Variants in CATSPERE observed in about 807,000 individuals in gnomAD.
CATSPERE encodes catsper channel auxiliary subunit epsilon, also known as cation channel sperm-associated auxiliary subunit epsilon.
CATSPERE carries 93 observed loss-of-function variants against 114.1 expected under a neutral mutation model. That is an observed-to-expected ratio of 0.81 (90% CI 0.69 to 0.97). The LOEUF (loss-of-function observed/expected upper bound fraction) is 0.97. Among genes scored for constraint, CATSPERE ranks in the 50% least tolerant of loss-of-function variants. The pLI is 0.00. For synonymous variants in CATSPERE, 341 were observed against 384.1 expected (o/e 0.89, Z 1.31); for missense variants, 1,058 against 1,131.6 (o/e 0.93, Z 0.93).
chr1:244,525,781 CA>C (rs1350628877), intron 8 of CATSPERE, among the ~76,000 whole-genome samples: 2 of 152,174 alleles, frequency 1.3e-5, no homozygotes, highest in Admixed American at 6.5e-5. Context: ...CTTTAATTTC[CA>C]CTCATGGAGA....
intron 15 of CATSPERE, among the ~76,000 whole-genome samples, chr1:244,592,760 GCTGCAC>G (rs369263828): frequency 6.6e-6 from 1 of 152,166 alleles, no homozygotes; most frequent in African/African-American, 2.4e-5. Flanking sequence ...CTAGCTGGCA[GCTGCAC>G]CTGAAAGGCA....
intron 2 of CATSPERE, among the ~76,000 whole-genome samples, chr1:244,466,048 T>C (rs3006008): frequency 0.62 from 93,880 of 152,006 alleles, 29,168 homozygotes; most frequent in East Asian, 0.73. Flanking sequence ...GTGATACTTA[T>C]AGTGAATTGT....
At chr1:244,513,759 G>A (rs933857083) in intron 7 of CATSPERE, among the ~76,000 whole-genome samples, 5 of 152,090 alleles carry the variant, frequency 3.3e-5, no homozygotes, top group Admixed American at 2.6e-4. Context: ...CACTGGCAGT[G>A]GTGGGCAGGG....
At chr1:244,542,337 A>C (rs568422367) in intron 8 of CATSPERE, among the ~76,000 whole-genome samples, 1 of 152,234 alleles carries the variant, frequency 6.6e-6, no homozygotes, top group South Asian at 2.1e-4. Flanking sequence ...TTCTGTTTTT[A>C]AATTTTAGAT....
Position 244,464,703 on chromosome 1 carries a change from A to T in CATSPERE, c.114+747A>T, listed in dbSNP as rs1667324062. ...TTTTTTTTTTACCAATCTCATTATT[A>T]TCCAGTGATAGCTATTGCTGTTGTT... On this transcript the variant is annotated intron_variant, in intron 2 of 21. Transcript: ENST00000366534. 1.3e-5 allele frequency among the ~76,000 whole-genome samples: 2 copies of T among 152,014 alleles called. 1 individual carries two copies. The highest frequency in any genetic ancestry group is 4.1e-4 in the South Asian group (2 of 4,824).
chr1:244,490,682 C>T (rs1359271412), intron 6 of CATSPERE, among the ~76,000 whole-genome samples: 1 of 151,988 alleles, frequency 6.6e-6, no homozygotes, highest in Non-Finnish European at 1.5e-5. Flanking sequence ...ATCTTCCCCC[C>T]TTTTACTTCT....
Position 244,552,374 on chromosome 1 carries a change from A to G in CATSPERE, c.589A>G (p.Arg197Gly), listed in dbSNP as rs372627040. Residue 197 changes from arginine (R) to glycine (G), a missense_variant, in exon 9 of 22, where the codon AGA becomes GGA. Arg to Gly is a moderately radical substitution (Grantham distance 125). Around this residue, in one of 2 missense-constraint regions of CATSPERE, gnomAD observed 787 missense variants for 905.6 expected, o/e 0.87. Transcript: ENST00000366534. ...MTKDDALKEI[R>G]GNQVTFQDCF... ...AAAAGATGATGCACTAAAGGAGATT[A>G]GAGGAAACCAAGTTACTTTTCAGGA... is the stretch of plus-strand genomic sequence containing the variant. The G allele has an allele frequency of 1.4e-5, 23 of 1,613,984 alleles. No individual in the cohort carries two copies. The highest frequency in any genetic ancestry group is 2.7e-5 in the African/African-American group (2 of 74,948).
chr1:244,552,912 A>AGC (rs1660881309), intron 9 of CATSPERE, 98 bp downstream of exon 9: 3 of 603,754 alleles, frequency 5.0e-6, no homozygotes, highest in Non-Finnish European at 6.8e-6. Flanking sequence ...CTTACTATGC[A>AGC]GCTCTTTGCC....
At position 244,640,321 on chromosome 1, in the gene CATSPERE, C is replaced by T; in HGVS notation, c.*240C>T. ...ATTTTAAAGATACTCTATGTACTCT[C>T]ACATGGCATGAAAAAATAAACTAAA... is the stretch of plus-strand genomic sequence containing the variant. On this transcript the variant is annotated 3_prime_UTR_variant, in exon 22 of 22. Coordinates refer to ENST00000366534, the MANE Select transcript of CATSPERE (RefSeq NM_001130957.2). 1 of 278,400 alleles carries T rather than the reference C, an allele frequency of 3.6e-6. No homozygotes were observed. The highest frequency in any genetic ancestry group is 6.7e-6 in the Non-Finnish European group (1 of 150,120). The allele number at this position is 278,400 out of a possible 1,614,324, so 17.2% of individuals were successfully genotyped here.
At chr1:244,538,987 G>A (rs1680792535) in intron 8 of CATSPERE, among the ~76,000 whole-genome samples, 1 of 152,028 alleles carries the variant, frequency 6.6e-6, no homozygotes, top group African/African-American at 2.4e-5. Context: ...ACGATCCATA[G>A]GTCAGCTGCA....
At chr1:244,490,333 T>A (rs1671826363) in intron 5 of CATSPERE, 114 bp from the exon 6 acceptor site, 1 of 640,482 alleles carries the variant, frequency 1.6e-6, no homozygotes, top group Non-Finnish European at 2.7e-6. Context: ...TATACCGTAA[T>A]GAAATATAAA....
intron 8 of CATSPERE, among the ~76,000 whole-genome samples, chr1:244,522,114 A>C (rs1324961135): frequency 6.6e-6 from 1 of 152,176 alleles, no homozygotes; most frequent in African/African-American, 2.4e-5. Flanking sequence ...ATGTAAAAGA[A>C]CAGAAATTAT....
At chr1:244,597,277 G>A (rs1439003286) in intron 17 of CATSPERE, among the ~76,000 whole-genome samples, 1 of 151,932 alleles carries the variant, frequency 6.6e-6, no homozygotes, top group Non-Finnish European at 1.5e-5. Context: ...CTCCCAAATC[G>A]CCCTCAGCCT....
intron 11 of CATSPERE, among the ~76,000 whole-genome samples, chr1:244,577,369 C>T (rs2148594543): frequency 6.6e-6 from 1 of 152,252 alleles, no homozygotes; most frequent in Non-Finnish European, 1.5e-5. Flanking sequence ...TACATGCAGT[C>T]TCATGGATAG....
At chr1:244,574,384 AAGG>A (rs1664927500) in intron 11 of CATSPERE, among the ~76,000 whole-genome samples, 1 of 152,200 alleles carries the variant, frequency 6.6e-6, no homozygotes. Flanking sequence ...AGCACAAAGT[AAGG>A]AGGCTTGAAG....
chr1:244,618,372 A>G (rs1341654574), intron 20 of CATSPERE, among the ~76,000 whole-genome samples: 1 of 152,242 alleles, frequency 6.6e-6, no homozygotes, highest in Non-Finnish European at 1.5e-5. Flanking sequence ...CATAATGTTT[A>G]AGTAAATTTC....
chr1:244,558,425 A>G (rs1662017222), intron 9 of CATSPERE, among the ~76,000 whole-genome samples: 1 of 151,578 alleles, frequency 6.6e-6, no homozygotes, highest in Non-Finnish European at 1.5e-5. Flanking sequence ...TAGCATTTCC[A>G]TTTTGTTCCT....
intron 17 of CATSPERE, among the ~76,000 whole-genome samples, chr1:244,598,215 C>G (rs1031884058): frequency 1.3e-5 from 2 of 152,194 alleles, no homozygotes; most frequent in African/African-American, 4.8e-5. Flanking sequence ...ACAGGGATAG[C>G]ATTTACTGAG....
intron 10 of CATSPERE, among the ~76,000 whole-genome samples, chr1:244,562,702 T>G (rs1042299255): frequency 1.3e-5 from 2 of 152,194 alleles, no homozygotes; most frequent in Non-Finnish European, 2.9e-5. Flanking sequence ...TGAATTTCCT[T>G]TTTTTCTTGT....
Sources: gnomAD v4.1 joint callset for allele counts (sites outside exome capture counted in the v4.1 genomes callset) on GRCh38, gnomAD v4.1.1 for gene constraint, gnomAD v4.1.1 regional missense constraint, MANE v1.5 for transcripts, NCBI Gene and HGNC (gene_info 2026-07-23, HGNC 2026-07-21) for gene names.